Variants in SHANK2 observed in about 807,000 individuals in gnomAD.
The protein encoded by SHANK2 is SH3 and multiple ankyrin repeat domains protein 2.
A neutral mutation model predicts 133.7 loss-of-function variants in SHANK2; 43 were observed. That is an observed-to-expected ratio of 0.32 (90% CI 0.25 to 0.41). SHANK2 has a LOEUF of 0.41. Ranked by LOEUF, SHANK2 falls within the 10% of genes least tolerant of loss-of-function variation. The pLI, the probability that SHANK2 is intolerant of heterozygous loss-of-function variation, is 1.00. For missense variants in SHANK2, 1,994 were observed against 2,235.8 expected (o/e 0.89, Z 2.18); for synonymous variants, 1,017 against 952.8 (o/e 1.07, Z -1.24).
chr11:71,169,969 C>T (rs1953277863), intron 2 of SHANK2, among the ~76,000 whole-genome samples: 1 of 151,998 alleles, frequency 6.6e-6, no homozygotes, highest in Non-Finnish European at 1.5e-5. Flanking sequence ...GTGACCCCAC[C>T]TGTGAATATC....
At chr11:71,149,920 G>A (rs1555107543) in intron 2 of SHANK2, among the ~76,000 whole-genome samples, 1 of 35,366 alleles carries the variant, frequency 2.8e-5, no homozygotes, top group Non-Finnish European at 5.4e-5. Context: ...GGTAAGAAGG[G>A]AGGGAGGGAG....
intron 17 of SHANK2, among the ~76,000 whole-genome samples, chr11:70,608,118 C>A (rs907240495): frequency 6.6e-6 from 1 of 152,212 alleles, no homozygotes; most frequent in Non-Finnish European, 1.5e-5. Flanking sequence ...TGTGGGAAAT[C>A]GGAATCTGAC....
chr11:70,705,323 T>A (rs1185045976), intron 14 of SHANK2: 1 of 152,114 alleles, frequency 6.6e-6, no homozygotes, highest in African/African-American at 2.4e-5. Flanking sequence ...CTGATACACA[T>A]CTCCATGGCC....
chr11:70,666,607 C>A (rs1944682354), intron 15 of SHANK2, among the ~76,000 whole-genome samples: 1 of 152,170 alleles, frequency 6.6e-6, no homozygotes, highest in Non-Finnish European at 1.5e-5. Context: ...TGCCAGCCTG[C>A]CCTGCCCCTG....
intron 17 of SHANK2, among the ~76,000 whole-genome samples, chr11:70,558,776 G>A (rs184459803): frequency 7.9e-5 from 12 of 152,310 alleles, no homozygotes; most frequent in Non-Finnish European, 1.5e-4. Flanking sequence ...CACACTGACG[G>A]CCCAGAGCGC....
At chr11:70,690,869 G>C (rs1164287650) in intron 15 of SHANK2, among the ~76,000 whole-genome samples, 1 of 151,870 alleles carries the variant, frequency 6.6e-6, no homozygotes, top group South Asian at 2.1e-4. Context: ...ATTTTTTCCA[G>C]CAATGTGTCA....
At chr11:71,133,602 G>C (rs569398760) in intron 3 of SHANK2, among the ~76,000 whole-genome samples, 1 of 152,104 alleles carries the variant, frequency 6.6e-6, no homozygotes, top group Non-Finnish European at 1.5e-5. Context: ...TCAGGGGATG[G>C]GTGGGTAGGT....
At chr11:70,945,855 G>T (rs1477033849) in intron 10 of SHANK2, among the ~76,000 whole-genome samples, 1 of 152,036 alleles carries the variant, frequency 6.6e-6, no homozygotes, top group Admixed American at 6.5e-5. Context: ...CTAATTATTG[G>T]ATCTACAGCC....
At chr11:70,728,170 G>C (rs1202101784) in intron 14 of SHANK2, among the ~76,000 whole-genome samples, 1 of 152,134 alleles carries the variant, frequency 6.6e-6, no homozygotes, top group Non-Finnish European at 1.5e-5. Context: ...GGGTTAAACC[G>C]ACTCCCAAAG....
chr11:70,713,698 T>C (rs1945846338), intron 14 of SHANK2, among the ~76,000 whole-genome samples: 1 of 151,960 alleles, frequency 6.6e-6, no homozygotes, highest in African/African-American at 2.4e-5. Flanking sequence ...GCACCGGGTG[T>C]CCGTCACAGC....
intron 11 of SHANK2, among the ~76,000 whole-genome samples, chr11:70,829,522 C>T (rs1948695687): frequency 6.6e-6 from 1 of 152,144 alleles, no homozygotes. Context: ...CCCACCCCTG[C>T]ACCCCATGTC....
chr11:70,781,909 A>G (rs1947506207), intron 14 of SHANK2, among the ~76,000 whole-genome samples: 1 of 152,018 alleles, frequency 6.6e-6, no homozygotes, highest in South Asian at 2.1e-4. Flanking sequence ...TGGCACATGT[A>G]CACCATGGAA....
At chr11:70,592,395 C>G (rs1353282658) in intron 17 of SHANK2, among the ~76,000 whole-genome samples, 3 of 152,190 alleles carry the variant, frequency 2.0e-5, no homozygotes, top group African/African-American at 7.2e-5. Context: ...TCTGCTGACT[C>G]GGGTGGAGCT....
At chr11:70,539,258 C>T (rs978575537) in intron 17 of SHANK2, among the ~76,000 whole-genome samples, 13 of 152,202 alleles carry the variant, frequency 8.5e-5, no homozygotes, top group Admixed American at 5.9e-4. Context: ...CTGTGCCACA[C>T]GCGGGCCTGG....
rs576332407 is a variant in SHANK2 at position 70,821,640 on chromosome 11, G to A, written c.1175-958C>T. Among the ~76,000 whole-genome samples, 5 of 152,216 alleles carry A rather than the reference G, an allele frequency of 3.3e-5. No homozygotes were observed. The East Asian group carries it at 9.7e-4, about 29-fold the overall frequency. ...AGGTTTCACCATGTTGGCCAGGCTGGTCTCGAACTCCCGATCTTGTGATCC... is the reference window on the plus strand; with the variant it reads ...AGGTTTCACCATGTTGGCCAGGCTGATCTCGAACTCCCGATCTTGTGATCC... On this transcript the variant is annotated intron_variant, in intron 11 of 25. Transcript: ENST00000601538.
chr11:70,920,202 G>A (rs139083481), intron 10 of SHANK2, among the ~76,000 whole-genome samples: 3 of 152,178 alleles, frequency 2.0e-5, no homozygotes, highest in African/African-American at 7.2e-5. Flanking sequence ...GTAGCTACTA[G>A]TATAATCATA....
chr11:70,829,494 C>T (rs1386210304), intron 11 of SHANK2, among the ~76,000 whole-genome samples: 1 of 152,138 alleles, frequency 6.6e-6, no homozygotes, highest in Non-Finnish European at 1.5e-5. Flanking sequence ...CCCCTGGGGT[C>T]CCTCTGCCCC....
intron 6 of SHANK2, among the ~76,000 whole-genome samples, chr11:71,097,109 T>G (rs1555095582): frequency 1.3e-5 from 2 of 152,190 alleles, no homozygotes; most frequent in Non-Finnish European, 2.9e-5. Flanking sequence ...CAATGACAAG[T>G]GGCAGCCTTC....
chr11:70,486,062 A>G lies in SHANK2; in HGVS notation c.4231T>C (p.Leu1411=), dbSNP rs139224061. The G allele has an allele frequency of 1.2e-4, 192 of 1,613,906 alleles. No individual in the cohort carries two copies. The highest frequency in any genetic ancestry group is 1.6e-4 in the Non-Finnish European group (184 of 1,180,018). Residue 1411 remains leucine, a synonymous_variant, in exon 25 of 26, where the codon TTG becomes CTG. Transcript: ENST00000601538. The surrounding 1 kb of genome is among the most constrained non-coding windows in gnomAD (Gnocchi z 8.0). ...TTTGCAAATTCCAGGGGAGGAGGCA[A>G]TGGCTCTGTAAAAATAAAATCCTCA... The part of the protein sequence containing the change: ...LDEDFIFTEP[L]PPPLEFANSF...
Sources: gnomAD v4.1 joint callset for allele counts (sites outside exome capture counted in the v4.1 genomes callset) on GRCh38, gnomAD v4.1.1 for gene constraint, Gnocchi (gnomAD v3.1) non-coding constraint, MANE v1.5 for transcripts, NCBI Gene and HGNC (gene_info 2026-07-23, HGNC 2026-07-21) for gene names.